The following FRMD4B variants were observed in gnomAD, a reference collection of about 807,000 sequenced individuals.
FRMD4B encodes FERM domain containing 4B, also known as FERM domain-containing protein 4B.
Under a neutral mutation model 141.5 loss-of-function variants are expected in FRMD4B, and 74 were observed. That is an observed-to-expected ratio of 0.52 (90% confidence interval 0.43 to 0.63). The LOEUF (loss-of-function observed/expected upper bound fraction) is 0.63. Ranked by LOEUF, FRMD4B falls within the 30% of genes least tolerant of loss-of-function variation. The pLI, the probability that FRMD4B is intolerant of heterozygous loss-of-function variation, is 0.00. For missense variants in FRMD4B, 1,366 were observed against 1,253.4 expected (o/e 1.09, Z -1.36); for synonymous variants, 506 against 467.9 (o/e 1.08, Z -1.05).
intron 1 of FRMD4B, among the ~76,000 whole-genome samples, chr3:69,481,793 G>A (rs1035683754): frequency 1.3e-5 from 2 of 152,150 alleles, no homozygotes; most frequent in African/African-American, 4.8e-5. Flanking sequence ...GGCTTCAGTT[G>A]ACCTTGTTGG....
At chr3:69,458,225 C>T (rs1705649260) in intron 1 of FRMD4B, among the ~76,000 whole-genome samples, 1 of 152,156 alleles carries the variant, frequency 6.6e-6, no homozygotes, top group Non-Finnish European at 1.5e-5. Context: ...TCATTAGCTT[C>T]TAGGATACAT....
intron 1 of FRMD4B, among the ~76,000 whole-genome samples, chr3:69,440,958 G>C (rs911076938): frequency 6.6e-6 from 1 of 151,998 alleles, no homozygotes. Context: ...CATTTCTTTA[G>C]CTCTTTTAAA....
chr3:69,279,663 C>T (rs1206593271), intron 5 of FRMD4B, among the ~76,000 whole-genome samples: 1 of 102,714 alleles, frequency 9.7e-6, no homozygotes, highest in East Asian at 4.8e-4. Flanking sequence ...TATCCTCCTC[C>T]TCCTTCTCCT....
At chr3:69,455,436 A>G (rs1049330930) in intron 1 of FRMD4B, among the ~76,000 whole-genome samples, 2 of 152,186 alleles carry the variant, frequency 1.3e-5, no homozygotes, top group African/African-American at 4.8e-5. Context: ...CCACGAATGC[A>G]CCAGGAGGAA....
upstream of FRMD4B, among the ~76,000 whole-genome samples, chr3:69,389,947 T>C (rs1704345178): frequency 6.6e-6 from 1 of 151,908 alleles, no homozygotes; most frequent in African/African-American, 2.4e-5. Context: ...TTTTCTTTCC[T>C]CCTCAGCACA....
chr3:69,492,362 G>A (rs146561974), intron 1 of FRMD4B, among the ~76,000 whole-genome samples: 1,708 of 152,262 alleles, frequency 0.011, 13 homozygotes, highest in Middle Eastern at 0.037. Context: ...TGCTCAATAA[G>A]TGTTAGTCCC....
intron 2 of FRMD4B, among the ~76,000 whole-genome samples, chr3:69,404,183 C>A (rs986696376): frequency 3.6e-4 from 55 of 152,172 alleles, no homozygotes; most frequent in African/African-American, 1.3e-3. Context: ...AGGCCTGAAC[C>A]AATGTGCCTG....
intron 3 of FRMD4B, among the ~76,000 whole-genome samples, chr3:69,303,132 T>C (rs1367263101): frequency 6.6e-6 from 1 of 151,640 alleles, no homozygotes; most frequent in African/African-American, 2.4e-5. Context: ...AAAAAAACTA[T>C]AGAGTGAAAT....
intron 1 of FRMD4B, among the ~76,000 whole-genome samples, chr3:69,539,251 TTTGTCTGCTCAAAGCA>T (rs1338154053): frequency 6.6e-6 from 1 of 152,236 alleles, no homozygotes; most frequent in Non-Finnish European, 1.5e-5. Flanking sequence ...AAACTTTCTT[TTTGTCTGCTCAAAGCA>T]TGCAGAGTCT....
chr3:69,299,034 A>G (rs1164030609), intron 4 of FRMD4B, among the ~76,000 whole-genome samples: 1 of 152,236 alleles, frequency 6.6e-6, no homozygotes, highest in African/African-American at 2.4e-5. Flanking sequence ...AACTGTTATT[A>G]TATAATGAAT....
intron 1 of FRMD4B, among the ~76,000 whole-genome samples, chr3:69,461,380 G>A (rs936642590): frequency 7.7e-6 from 1 of 129,072 alleles, no homozygotes; most frequent in African/African-American, 3.3e-5. Flanking sequence ...GAAACATAGT[G>A]AGACCCCCCC....
At chr3:69,235,885 C>CAACAA (rs1159278972) in intron 7 of FRMD4B, among the ~76,000 whole-genome samples, 1 of 152,170 alleles carries the variant, frequency 6.6e-6, no homozygotes, top group Admixed American at 6.5e-5. Context: ...GCTTTAACAA[C>CAACAA]TTTGCCTTAC....
intron 5 of FRMD4B, among the ~76,000 whole-genome samples, chr3:69,266,979 G>A (rs1232994205): frequency 6.6e-6 from 1 of 152,212 alleles, no homozygotes; most frequent in Admixed American, 6.5e-5. Flanking sequence ...CATCTATAGA[G>A]TGTTCGTGCC....
In FRMD4B at chr3:69,253,089, T is replaced by A. The variant is rs113356307; in HGVS notation, c.502-2990A>T. 8.5e-3 allele frequency among the ~76,000 whole-genome samples: 1,297 copies of A among 151,976 alleles called. 21 individuals are homozygous for A. The highest frequency in any genetic ancestry group is 0.03 in the African/African-American group (1,250 of 41,422). Reference sequence around the variant, plus strand: ...TCAGTTGACCAAGACACCAGGCTAATGAGGTGAATTCTAGGTTTTGATTAC... The same window carrying A: ...TCAGTTGACCAAGACACCAGGCTAAAGAGGTGAATTCTAGGTTTTGATTAC... On this transcript the variant is annotated intron_variant, in intron 5 of 22. Transcript: ENST00000398540.
At chr3:69,214,609 A>C (rs1388190551) in intron 11 of FRMD4B, among the ~76,000 whole-genome samples, 2 of 152,202 alleles carry the variant, frequency 1.3e-5, no homozygotes, top group Non-Finnish European at 2.9e-5. Context: ...CTGTAATCCC[A>C]GCACTTTGGG....
chr3:69,453,874 T>C (rs1367434980), intron 1 of FRMD4B, among the ~76,000 whole-genome samples: 1 of 151,774 alleles, frequency 6.6e-6, no homozygotes, highest in African/African-American at 2.4e-5. Context: ...GTGAGAAAAA[T>C]GGATGTGAAA....
intron 11 of FRMD4B, among the ~76,000 whole-genome samples, chr3:69,201,975 G>A (rs1370941161): frequency 1.3e-5 from 2 of 152,236 alleles, no homozygotes; most frequent in East Asian, 1.9e-4. Context: ...AGGCCGAGGC[G>A]GGTGGATCAC....
At chr3:69,384,034 A>G (rs987016518) in intron 1 of FRMD4B, among the ~76,000 whole-genome samples, 6 of 152,016 alleles carry the variant, frequency 3.9e-5, no homozygotes, top group Admixed American at 3.3e-4. Flanking sequence ...TCCTGGGCTC[A>G]AGGGATCTTC....
At chr3:69,175,798 G>A (rs1448454053) in intron 22 of FRMD4B, among the ~76,000 whole-genome samples, 2 of 109,384 alleles carry the variant, frequency 1.8e-5, no homozygotes, top group East Asian at 2.5e-4. Context: ...TTTTTGAGAC[G>A]GAGATGGAGT....
Sources: allele counts gnomAD v4.1 joint callset (sites outside exome capture counted in the v4.1 genomes callset), GRCh38; gene constraint gnomAD v4.1.1; transcripts MANE v1.5; gene names NCBI Gene and HGNC (gene_info 2026-07-23, HGNC 2026-07-21).